The following COL13A1 variants were observed in gnomAD, a reference collection of about 807,000 sequenced individuals.
COL13A1 encodes the protein collagen type XIII alpha 1 chain, also known as collagen alpha-1(XIII) chain.
A neutral mutation model predicts 130.9 loss-of-function variants in COL13A1; 89 were observed. That is an observed-to-expected ratio of 0.68 (90% CI 0.57 to 0.81). The LOEUF is 0.81. Among genes scored for constraint, COL13A1 ranks in the 30% least tolerant of loss-of-function variants. COL13A1 has a pLI of 0.00. For missense variants in COL13A1, 879 were observed against 934.6 expected (o/e 0.94, Z 0.78); for synonymous variants, 402 against 341.6 (o/e 1.18, Z -1.95).
chr10:69,891,660 A>C (rs1273113320), intron 10 of COL13A1, among the ~76,000 whole-genome samples: 1 of 152,182 alleles, frequency 6.6e-6, no homozygotes, highest in Non-Finnish European at 1.5e-5. Context: ...ATTGTTATAG[A>C]GGCATAAAGG....
At chr10:69,951,527 A>G (rs866517895) in intron 38 of COL13A1, among the ~76,000 whole-genome samples, 32 of 151,858 alleles carry the variant, frequency 2.1e-4, no homozygotes, top group African/African-American at 7.3e-4. Flanking sequence ...ACCACACCCG[A>G]CTAATTTTTT....
intron 1 of COL13A1, among the ~76,000 whole-genome samples, chr10:69,812,773 C>G (rs1296189760): frequency 6.6e-6 from 1 of 152,224 alleles, no homozygotes; most frequent in Non-Finnish European, 1.5e-5. Context: ...TTGCACCAAC[C>G]TACTCCATGC....
rs564462890 is a variant in COL13A1, at chr10:69,902,708, TG to T, written c.751-35del. ...GAGGGTGGGGGACGGTCTGCAGCTC[TG>T]GGGGCCTTCCCTCTAACATTCGTTT... On this transcript the variant is annotated intron_variant, in intron 14 of 40. Coordinates refer to ENST00000645393, the MANE Select transcript of COL13A1 (RefSeq NM_001368882.1). 444 of 1,515,860 alleles carry T rather than the reference TG, an allele frequency of 2.9e-4. No homozygotes were observed. In the African/African-American group the frequency reaches 3.2e-3, roughly 11 times the overall value. The allele number at this position is 1,515,860 out of a possible 1,614,324, so 93.9% of individuals were successfully genotyped here.
chr10:69,887,807 G>A (rs1298592778), intron 8 of COL13A1, among the ~76,000 whole-genome samples: 1 of 152,230 alleles, frequency 6.6e-6, no homozygotes, highest in Non-Finnish European at 1.5e-5. Context: ...CCCTGTGGGA[G>A]AACACCCTGC....
chr10:69,917,412 G>A, intron 18 of COL13A1, 79 bp downstream of exon 18: 1 of 1,317,928 alleles, frequency 7.6e-7, no homozygotes. Context: ...CAGCTCTGGG[G>A]ACACTCTGGA....
rs1393494764 is a variant in COL13A1, at chr10:69,802,552, G to A, written c.129G>A (p.Gly43=). Residue 43 remains glycine, a synonymous_variant, in exon 1 of 41, where the codon GGG becomes GGA. Coordinates refer to ENST00000645393, the MANE Select transcript of COL13A1 (RefSeq NM_001368882.1). ...AERGARLPSP[G]SCGLLTLALC... is the part of the protein sequence containing the mutation. ...GCGGCGCACGGCTGCCGAGTCCAGG[G>A]TCGTGCGGGCTGCTGACGCTGGCCC... is the stretch of plus-strand genomic sequence containing the variant. The A allele has an allele frequency of 3.7e-6, 6 of 1,609,110 alleles. No individual in the cohort carries two copies. Among genetic ancestry groups the A allele is most frequent in the East Asian group, 4.5e-5 (2 of 44,654 alleles).
chr10:69,889,149 G>A (rs1020316208), intron 9 of COL13A1, among the ~76,000 whole-genome samples: 1 of 152,254 alleles, frequency 6.6e-6, no homozygotes, highest in African/African-American at 2.4e-5. Flanking sequence ...GAGCGTTGGG[G>A]TCTAGGGAGA....
intron 2 of COL13A1, among the ~76,000 whole-genome samples, chr10:69,843,824 A>G (rs902528185): frequency 2.6e-5 from 4 of 152,226 alleles, no homozygotes; most frequent in Non-Finnish European, 4.4e-5. Flanking sequence ...GTCCACGACC[A>G]GAGGTGCTAC....
intron 2 of COL13A1, among the ~76,000 whole-genome samples, chr10:69,830,247 G>A (rs1381916846): frequency 1.3e-5 from 2 of 152,206 alleles, no homozygotes; most frequent in Non-Finnish European, 2.9e-5. Context: ...AGAAATGCTC[G>A]TCTGTGCGTA....
chr10:69,901,681 C>A (rs1346226887), intron 14 of COL13A1, among the ~76,000 whole-genome samples: 1 of 152,206 alleles, frequency 6.6e-6, no homozygotes, highest in Non-Finnish European at 1.5e-5. Context: ...CCAGAGAGGT[C>A]ATTTAGAAAA....
chr10:69,956,234 G>C (rs1684101213), intron 39 of COL13A1: 1 of 152,202 alleles, frequency 6.6e-6, no homozygotes, highest in African/African-American at 2.4e-5. Context: ...AGGATATGAG[G>C]GCCCAAGAAA....
chr10:69,926,303 C>T (rs1245193113), intron 26 of COL13A1, among the ~76,000 whole-genome samples: 1 of 152,232 alleles, frequency 6.6e-6, no homozygotes, highest in East Asian at 1.9e-4. Context: ...AGTTCATGAG[C>T]TCCCGCTCCC....
chr10:69,939,505 A>AAAG (rs2136046762), intron 34 of COL13A1, among the ~76,000 whole-genome samples: 1 of 152,316 alleles, frequency 6.6e-6, no homozygotes, highest in African/African-American at 2.4e-5. Flanking sequence ...GCATTTTTTT[A>AAAG]AAGTACATGG....
chr10:69,896,378 G>T (rs2061644880), intron 13 of COL13A1, among the ~76,000 whole-genome samples: 1 of 152,146 alleles, frequency 6.6e-6, no homozygotes, highest in Admixed American at 6.5e-5. Flanking sequence ...GAGCCCCAGT[G>T]AGCTGGACCC....
intron 2 of COL13A1, among the ~76,000 whole-genome samples, chr10:69,838,894 A>G (rs796266103): frequency 5.9e-5 from 9 of 152,378 alleles, no homozygotes; most frequent in African/African-American, 1.9e-4. Context: ...CTCACTGAGT[A>G]GCTTGGCGAA....
At chr10:69,811,839 G>A (rs2763352) in intron 1 of COL13A1, among the ~76,000 whole-genome samples, 64,247 of 151,774 alleles carry the variant, frequency 0.42, 13,835 homozygotes, top group African/African-American at 0.5. Context: ...CAAACTCTAC[G>A]TGTCTAAACT....
At chr10:69,913,608 G>A (rs992132673) in intron 17 of COL13A1, among the ~76,000 whole-genome samples, 4 of 151,950 alleles carry the variant, frequency 2.6e-5, no homozygotes, top group African/African-American at 9.7e-5. Flanking sequence ...CCCCTCCCCC[G>A]CCTCCTGCCT....
intron 7 of COL13A1, among the ~76,000 whole-genome samples, chr10:69,880,897 C>A (rs1469103506): frequency 6.6e-6 from 1 of 152,216 alleles, no homozygotes; most frequent in Non-Finnish European, 1.5e-5. Flanking sequence ...TTCCCGGGAA[C>A]CAGCCTTTGT....
intron 1 of COL13A1, among the ~76,000 whole-genome samples, chr10:69,820,044 A>T (rs1199143497): frequency 6.6e-6 from 1 of 151,966 alleles, no homozygotes; most frequent in African/African-American, 2.4e-5. Flanking sequence ...TCATTTTCTT[A>T]CCTTCCTCTG....
Sources: gnomAD v4.1 joint callset for allele counts (sites outside exome capture counted in the v4.1 genomes callset) on GRCh38, gnomAD v4.1.1 for gene constraint, MANE v1.5 for transcripts, NCBI Gene and HGNC (gene_info 2026-07-23, HGNC 2026-07-21) for gene names.